RIC1: variants seen among roughly 807,000 people sequenced by gnomAD.
RIC1 encodes the protein RIC1 partner of RAB6A GEF complex, also known as guanine nucleotide exchange factor subunit RIC1.
A neutral mutation model predicts 169.0 loss-of-function variants in RIC1; 88 were observed. The ratio of observed to expected loss-of-function variants is 0.52; its 90% CI spans 0.44 to 0.62. The LOEUF is 0.62. Among genes scored for constraint, RIC1 ranks in the 20% least tolerant of loss-of-function variants. The probability of loss-of-function intolerance (pLI) is 0.00; values close to 1 mark genes in which losing one functional copy is unlikely to be tolerated. For missense variants in RIC1, 1,877 were observed against 1,725.5 expected (o/e 1.09, Z -1.56); for synonymous variants, 790 against 601.5 (o/e 1.31, Z -4.59).
rs1028232102 is a variant in RIC1 at position 5,638,991 on chromosome 9, C to T, written c.144+9538C>T. 3.9e-5 allele frequency among the ~76,000 whole-genome samples: 6 copies of T among 152,174 alleles called. No homozygotes were observed. In the East Asian group the frequency reaches 5.8e-4, roughly 15 times the overall value. On this transcript the variant is annotated intron_variant, in intron 1 of 25. Coordinates refer to ENST00000414202, the MANE Select transcript of RIC1 (RefSeq NM_020829.4). ...AGTGCAGTGGTGCAATCTCGTCTCA[C>T]TGTAGCCTCAACCTCCCAAGTTCAT...
intron 2 of RIC1, among the ~76,000 whole-genome samples, chr9:5,673,165 C>T (rs1262277425): frequency 1.3e-5 from 2 of 151,834 alleles, no homozygotes; most frequent in Non-Finnish European, 2.9e-5. Context: ...ATATGCAATG[C>T]TTAGGGACAA....
At chr9:5,643,286 G>T (rs565741008) in intron 1 of RIC1, among the ~76,000 whole-genome samples, 1 of 152,118 alleles carries the variant, frequency 6.6e-6, no homozygotes, top group South Asian at 2.1e-4. Context: ...TTTTAAATTT[G>T]TTTATACTGC....
At position 5,774,470 on chromosome 9, in the gene RIC1, GTAAA is replaced by G; in HGVS notation, c.*227_*230del. Reference sequence around the variant, plus strand: ...AAAAAATTTTAAGCTGCAGTGAAAAGTAAATATTGTACAGATGTACATGAGAATA... The same window carrying G: ...AAAAAATTTTAAGCTGCAGTGAAAAGTATTGTACAGATGTACATGAGAATA... On this transcript the variant is annotated 3_prime_UTR_variant, in exon 26 of 26. Coordinates refer to ENST00000414202, the MANE Select transcript of RIC1 (RefSeq NM_020829.4). 2.4e-6 allele frequency: 1 copy of G among 421,740 alleles called. No individual in the cohort carries two copies. The highest frequency in any genetic ancestry group is 4.2e-6 in the Non-Finnish European group (1 of 239,436). The allele number at this position is 421,740 out of a possible 1,614,324, so 26.1% of individuals were successfully genotyped here.
chr9:5,703,929 T>C (rs536210566), intron 3 of RIC1, among the ~76,000 whole-genome samples: 2 of 152,338 alleles, frequency 1.3e-5, no homozygotes, highest in South Asian at 4.1e-4. Flanking sequence ...ATTGCTAGGT[T>C]ACATGGTAAT....
intron 2 of RIC1, among the ~76,000 whole-genome samples, chr9:5,660,373 A>G (rs867796288): frequency 6.6e-6 from 1 of 152,198 alleles, no homozygotes; most frequent in Non-Finnish European, 1.5e-5. Context: ...ATACCCAGTA[A>G]TGAGATTATT....
intron 1 of RIC1, among the ~76,000 whole-genome samples, chr9:5,648,739 A>G (rs1371143182): frequency 6.6e-6 from 1 of 151,780 alleles, no homozygotes; most frequent in African/African-American, 2.4e-5. Flanking sequence ...TGTGGTTTTG[A>G]TTTTCATTTT....
At chr9:5,706,820 A>T (rs142389459) in intron 3 of RIC1, among the ~76,000 whole-genome samples, 1 of 152,158 alleles carries the variant, frequency 6.6e-6, no homozygotes, top group African/African-American at 2.4e-5. Flanking sequence ...CAGACTTATA[A>T]AGTCTTCTTT....
chr9:5,637,502 T>C (rs1047628672), intron 1 of RIC1, among the ~76,000 whole-genome samples: 2 of 152,206 alleles, frequency 1.3e-5, no homozygotes, highest in Admixed American at 6.5e-5. Flanking sequence ...AAATATACAA[T>C]TAAATTATTT....
chr9:5,695,546 C>G (rs1217145170), intron 3 of RIC1, among the ~76,000 whole-genome samples: 1 of 150,176 alleles, frequency 6.7e-6, no homozygotes, highest in Non-Finnish European at 1.5e-5. Flanking sequence ...GGTCTTGTCA[C>G]TTTTCTCCTG....
At position 5,746,018 on chromosome 9, in the gene RIC1, G is replaced by C. The variant is rs1825356263; in HGVS notation, c.1183G>C (p.Val395Leu). 6.2e-7 allele frequency: 1 copy of C among 1,613,706 alleles called. No individual in the cohort carries two copies. The highest frequency in any genetic ancestry group is 8.5e-7 in the Non-Finnish European group (1 of 1,179,664). ...TEIESDLRSV[V>L]KQPSILLFQF... Reference sequence around the variant, plus strand: ...AATTGAGTCTGACCTCAGGAGTGTAGTTAAACAGCCCAGCATCCTGTTATT... The same window carrying C: ...AATTGAGTCTGACCTCAGGAGTGTACTTAAACAGCCCAGCATCCTGTTATT... Residue 395 changes from valine (V) to leucine (L), a missense_variant, in exon 11 of 26, where the codon GTT (valine) becomes CTT (leucine). By Grantham distance (32) the Val-to-Leu change is conservative (BLOSUM62 1). Around this residue, in one of 3 missense-constraint regions of RIC1, gnomAD observed 1,104 missense variants for 992.0 expected, o/e 1.11. Transcript: ENST00000414202.
chr9:5,719,541 G>A (rs1422610772), intron 4 of RIC1: 1 of 152,254 alleles, frequency 6.6e-6, no homozygotes, highest in Non-Finnish European at 1.5e-5. Flanking sequence ...TAGAAGGAAT[G>A]AACAATGTGA....
At chr9:5,708,834 C>T (rs1822757171) in intron 3 of RIC1, among the ~76,000 whole-genome samples, 1 of 152,062 alleles carries the variant, frequency 6.6e-6, no homozygotes, top group African/African-American at 2.4e-5. Context: ...TTTTCTCTCT[C>T]CTTGCCTTTG....
intron 12 of RIC1, among the ~76,000 whole-genome samples, chr9:5,748,010 C>G (rs1371597611): frequency 6.6e-6 from 1 of 152,094 alleles, no homozygotes; most frequent in South Asian, 2.1e-4. Flanking sequence ...TAATCTTATT[C>G]CAAATTATTT....
intron 8 of RIC1, among the ~76,000 whole-genome samples, chr9:5,740,767 C>T (rs1198365823): frequency 6.6e-6 from 1 of 152,028 alleles, no homozygotes; most frequent in Non-Finnish European, 1.5e-5. Flanking sequence ...CCCACTGACT[C>T]AAATGTTAAT....
chr9:5,770,456 C>G (rs1261828562), intron 23 of RIC1, among the ~76,000 whole-genome samples, 178 bp downstream of exon 23: 1 of 152,068 alleles, frequency 6.6e-6, no homozygotes, highest in Non-Finnish European at 1.5e-5. Context: ...CTGTACTTTG[C>G]CATATTTATT....
At chr9:5,729,004 C>A (rs1360479626) in intron 6 of RIC1, among the ~76,000 whole-genome samples, 1 of 152,178 alleles carries the variant, frequency 6.6e-6, no homozygotes, top group Non-Finnish European at 1.5e-5. Context: ...CCATACCCTT[C>A]CCTCTGTCCC....
At chr9:5,692,178 G>A (rs934370921) in intron 3 of RIC1, among the ~76,000 whole-genome samples, 3 of 152,048 alleles carry the variant, frequency 2.0e-5, no homozygotes, top group Admixed American at 6.5e-5. Context: ...AGAGCAGTTC[G>A]AATAATAGTT....
chr9:5,740,191 C>T (rs889216297), intron 8 of RIC1, among the ~76,000 whole-genome samples: 3 of 152,180 alleles, frequency 2.0e-5, no homozygotes, highest in East Asian at 1.9e-4. Flanking sequence ...TCACTAAACT[C>T]CTTGCGTCTC....
Position 5,757,598 on chromosome 9 carries a change from A to T in RIC1, c.1992+147A>T, listed in dbSNP as rs544184437. 5.3e-6 allele frequency: 4 copies of T among 758,018 alleles called. No individual in the cohort carries two copies. The African/African-American group carries it at 7.1e-5, about 13-fold the overall frequency. 47.0% of individuals were successfully genotyped at this position (758,018 alleles called of 1,614,324 possible). On this transcript the variant is annotated intron_variant, in intron 17 of 25. Transcript: ENST00000414202. Reference sequence around the variant, plus strand: ...AATGCTGGGTTGCAGTGGCAAATTAAAAAGACATGGTTTCTGCTCAGGCAT... The same window carrying T: ...AATGCTGGGTTGCAGTGGCAAATTATAAAGACATGGTTTCTGCTCAGGCAT...
Sources: allele counts gnomAD v4.1 joint callset (sites outside exome capture counted in the v4.1 genomes callset), GRCh38; gene constraint gnomAD v4.1.1; regional missense constraint gnomAD v4.1.1; transcripts MANE v1.5; gene names NCBI Gene and HGNC (gene_info 2026-07-23, HGNC 2026-07-21).